DOCK6: variants seen among roughly 807,000 people sequenced by gnomAD.
The protein encoded by DOCK6 is dedicator of cytokinesis 6, also known as dedicator of cytokinesis protein 6.
A neutral mutation model predicts 230.3 loss-of-function variants in DOCK6; 167 were observed. The ratio of observed to expected loss-of-function variants is 0.73; its 90% CI spans 0.64 to 0.82. The LOEUF (loss-of-function observed/expected upper bound fraction) is 0.82. DOCK6 is among the 40% of genes least tolerant of loss of function. DOCK6 has a pLI of 0.00. For missense variants in DOCK6, 2,598 were observed against 2,825.8 expected (o/e 0.92, Z 1.83); for synonymous variants, 1,148 against 1,185.0 (o/e 0.97, Z 0.64).
At chr19:11,207,192 C>T (rs2079276782) in intron 39 of DOCK6, among the ~76,000 whole-genome samples, 1 of 151,918 alleles carries the variant, frequency 6.6e-6, no homozygotes, top group Non-Finnish European at 1.5e-5. Context: ...TATCCCAAAT[C>T]TTTATTTTAT....
rs2079593755 is a variant in DOCK6, at chr19:11,222,304, G to A, written c.3241-56C>T. On this transcript the variant is annotated intron_variant, in intron 26 of 47. Coordinates refer to ENST00000294618, the MANE Select transcript of DOCK6 (RefSeq NM_020812.4). This position sits in a 1 kb window ranked among gnomAD's most constrained non-coding sequence, Gnocchi z 4.0. ...AGCGGTCAAGGGTCAGAGGTGGCAG[G>A]TCACCATTAAAGCCATCTTGGAGGT... 6.4e-6 allele frequency: 10 copies of A among 1,551,892 alleles called. No individual in the cohort carries two copies. The highest frequency in any genetic ancestry group is 8.7e-6 in the Non-Finnish European group (10 of 1,146,048).
intron 30 of DOCK6, 188 bp downstream of exon 30, chr19:11,216,726 A>T: frequency 1.6e-6 from 1 of 641,538 alleles, no homozygotes; most frequent in South Asian, 2.0e-5. Flanking sequence ...TCCAAATTCT[A>T]TTCACAAAGG....
chr19:11,222,242 T>A lies in DOCK6; in HGVS notation c.3247A>T (p.Thr1083Ser). 6.3e-7 allele frequency: 1 copy of A among 1,598,000 alleles called. No homozygotes were observed. Among genetic ancestry groups the A allele is most frequent in the Non-Finnish European group, 8.5e-7 (1 of 1,172,702 alleles). Reference sequence around the variant, plus strand: ...GGGTCCGGGGCTTGGCTGGAGAAGGTGGAGCTCTGCAGAGTGGGGGAAAAA... The same window carrying A: ...GGGTCCGGGGCTTGGCTGGAGAAGGAGGAGCTCTGCAGAGTGGGGGAAAAA... Reference protein sequence around the residue: ...SVSSTTSQSSTFSSQAPDPKV... With the variant: ...SVSSTTSQSSSFSSQAPDPKV... Residue 1083 changes from threonine to serine, a missense_variant, in exon 27 of 48, where the codon ACC (threonine) becomes TCC (serine). Thr to Ser is a moderately conservative substitution (Grantham distance 58). Transcript: ENST00000294618. The surrounding 1 kb of genome is among the most constrained non-coding windows in gnomAD (Gnocchi z 4.0).
chr19:11,228,393 C>A (rs905487164), intron 23 of DOCK6, among the ~76,000 whole-genome samples: 2 of 151,948 alleles, frequency 1.3e-5, no homozygotes, highest in African/African-American at 4.8e-5. Flanking sequence ...TGGTTTCTCT[C>A]CTTAAAGAGT....
chr19:11,210,604 A>G (rs539606587), intron 37 of DOCK6, among the ~76,000 whole-genome samples: 76 of 122,264 alleles, frequency 6.2e-4, no homozygotes, highest in African/African-American at 2.2e-3. Flanking sequence ...TCACCTGTCC[A>G]TCCCTTCACC....
intron 37 of DOCK6, among the ~76,000 whole-genome samples, chr19:11,209,426 T>C (rs150845841): frequency 6.6e-6 from 1 of 152,054 alleles, no homozygotes; most frequent in East Asian, 1.9e-4. Flanking sequence ...CCAGCCAGTC[T>C]CCTCACGTGT....
At chr19:11,214,194 G>C (rs1199602421) in intron 34 of DOCK6, 81 bp downstream of exon 34, 1 of 1,485,662 alleles carries the variant, frequency 6.7e-7, no homozygotes. Flanking sequence ...CAAAGTGCTG[G>C]GATTAGAGGC....
chr19:11,257,617 C>A (rs760924091), intron 1 of DOCK6, among the ~76,000 whole-genome samples: 5 of 151,798 alleles, frequency 3.3e-5, no homozygotes, highest in Non-Finnish European at 5.9e-5. Flanking sequence ...GGTGAAACCC[C>A]ATCTCTACTA....
chr19:11,253,490 T>G, intron 2 of DOCK6, 149 bp downstream of exon 2: 2 of 485,176 alleles, frequency 4.1e-6, no homozygotes, highest in Non-Finnish European at 7.0e-6. Context: ...GGACAGGCAC[T>G]CCCTCCCCCG....
At chr19:11,248,978 C>T (rs556938654) in intron 6 of DOCK6, among the ~76,000 whole-genome samples, 1 of 152,180 alleles carries the variant, frequency 6.6e-6, no homozygotes, top group Non-Finnish European at 1.5e-5. Flanking sequence ...CCAGTAAGTA[C>T]TGATTGAATA....
intron 22 of DOCK6, among the ~76,000 whole-genome samples, chr19:11,231,574 T>G (rs556563057): frequency 9.2e-5 from 14 of 152,328 alleles, no homozygotes; most frequent in African/African-American, 3.1e-4. Flanking sequence ...GGCTCAGGAC[T>G]GCTGGGGGAG....
intron 14 of DOCK6, chr19:11,239,847 T>C (rs761644691): frequency 6.2e-7 from 1 of 1,600,654 alleles, no homozygotes; most frequent in Admixed American, 1.7e-5. Flanking sequence ...TGGGTCTCTA[T>C]GGCCGCACAA....
In DOCK6 at chr19:11,243,407, A is replaced by G; in HGVS notation, c.1259-22T>C. On this transcript the variant is annotated intron_variant, in intron 11 of 47. Coordinates refer to ENST00000294618, the MANE Select transcript of DOCK6 (RefSeq NM_020812.4). The surrounding 1 kb of genome is among the most constrained non-coding windows in gnomAD (Gnocchi z 6.3). Reference sequence around the variant, plus strand: ...CGCTCTAGGGGAGGGAATGACAATGACAAAAGGGGGACCAAGATGAAACAG... The same window carrying G: ...CGCTCTAGGGGAGGGAATGACAATGGCAAAAGGGGGACCAAGATGAAACAG... The G allele has an allele frequency of 1.3e-6, 2 of 1,597,384 alleles. No individual in the cohort carries two copies. The highest frequency in any genetic ancestry group is 1.7e-6 in the Non-Finnish European group (2 of 1,172,718).
rs577056950 is a variant in DOCK6, at chr19:11,222,898, G to A, written c.3077C>T (p.Thr1026Met). The change falls in exon 26 of 48, where the codon ACG (threonine) becomes ATG (methionine). Residue 1026 changes from threonine (T) to methionine (M), a missense_variant. Thr to Met is a moderately conservative substitution (Grantham distance 81). Coordinates refer to ENST00000294618, the MANE Select transcript of DOCK6 (RefSeq NM_020812.4). This position sits in a 1 kb window ranked among gnomAD's most constrained non-coding sequence, Gnocchi z 4.0. ...LVRAHYKQVATRLQSSPNPAA... is the reference protein window; with the variant it reads ...LVRAHYKQVAMRLQSSPNPAA... ...TGGATTAGGGGACGACTGGAGCCGCGTGGCCACCTGCAGGAGAGGGGTGGC... is the reference window on the plus strand; with the variant it reads ...TGGATTAGGGGACGACTGGAGCCGCATGGCCACCTGCAGGAGAGGGGTGGC... 1.1e-5 allele frequency: 17 copies of A among 1,609,668 alleles called. No homozygotes were observed. Among genetic ancestry groups the A allele is most frequent in the African/African-American group, 6.7e-5 (5 of 74,950 alleles).
In DOCK6 at chr19:11,214,255, GGTT is replaced by G. The variant is rs1439981269; in HGVS notation, c.4338+17_4338+19del. 1.4e-5 allele frequency: 22 copies of G among 1,590,902 alleles called. No individual in the cohort carries two copies. The highest frequency in any genetic ancestry group is 1.9e-5 in the Non-Finnish European group (22 of 1,168,226). Reference sequence around the variant, plus strand: ...CTGCTACTGTTTTTCTAAGAATCATGGTTGTTGAGTGGTGCTCACCTTGGACAC... The same window carrying G: ...CTGCTACTGTTTTTCTAAGAATCATGGTTGAGTGGTGCTCACCTTGGACAC... On this transcript the variant is annotated intron_variant, in intron 34 of 47. Coordinates refer to ENST00000294618, the MANE Select transcript of DOCK6 (RefSeq NM_020812.4).
intron 35 of DOCK6, 71 bp downstream of exon 35, chr19:11,213,105 G>A (rs2079419540): frequency 1.3e-6 from 2 of 1,551,756 alleles, no homozygotes; most frequent in Non-Finnish European, 1.8e-6. Flanking sequence ...CTCACTCCCT[G>A]TATGGTTGAG....
Position 11,204,096 on chromosome 19 carries a change from CTG to C in DOCK6, c.5221-3_5221-2del. ...GCTGACTCACCTCCCAGCCGGAACT[CTG>C]TGGGGAAGAGAAGGGTCAAGGTCAG... On this transcript the variant is annotated splice_acceptor_variant and splice_polypyrimidine_tract_variant and intron_variant, in intron 40 of 47. Transcript: ENST00000294618. LOFTEE classifies it high-confidence loss of function. 2 of 1,548,974 alleles carry C rather than the reference CTG, an allele frequency of 1.3e-6. No individual in the cohort carries two copies. Among genetic ancestry groups the C allele is most frequent in the South Asian group, 1.2e-5 (1 of 83,912 alleles).
chr19:11,229,733 G>A (rs184077503), intron 22 of DOCK6, among the ~76,000 whole-genome samples: 22 of 151,958 alleles, frequency 1.4e-4, no homozygotes, highest in Admixed American at 9.2e-4. Flanking sequence ...GGAGAAGAAC[G>A]TGAGGCTGGG....
In DOCK6 at chr19:11,202,513, C is replaced by G. The variant is rs770006215; in HGVS notation, c.5362-30G>C. The G allele has an allele frequency of 2.8e-5, 45 of 1,613,354 alleles. No homozygotes were observed. The Admixed American group carries it at 7.5e-4, about 27-fold the overall frequency. Reference sequence around the variant, plus strand: ...AGACACAGGGCTGACTCGGGGCCACCCAGGGACAGCCCCTACTCCAGCCCC... The same window carrying G: ...AGACACAGGGCTGACTCGGGGCCACGCAGGGACAGCCCCTACTCCAGCCCC... On this transcript the variant is annotated intron_variant, in intron 42 of 47. Coordinates refer to ENST00000294618, the MANE Select transcript of DOCK6 (RefSeq NM_020812.4). The surrounding 1 kb of genome is among the most constrained non-coding windows in gnomAD (Gnocchi z 5.3).
Sources: allele counts gnomAD v4.1 joint callset (sites outside exome capture counted in the v4.1 genomes callset), GRCh38; gene constraint gnomAD v4.1.1; non-coding constraint Gnocchi (gnomAD v3.1); transcripts MANE v1.5; gene names NCBI Gene and HGNC (gene_info 2026-07-23, HGNC 2026-07-21).